The following SLC22A3 variants were observed in gnomAD, a reference collection of about 807,000 sequenced individuals.
The protein encoded by SLC22A3 is EMT organic cation transporter 3.
A neutral mutation model predicts 59.1 loss-of-function variants in SLC22A3; 51 were observed. That is an observed-to-expected ratio of 0.86 (90% CI 0.69 to 1.09). SLC22A3 has a LOEUF of 1.09. Among genes scored for constraint, SLC22A3 ranks in the 50% least tolerant of loss-of-function variants. The pLI is 0.00. For synonymous variants in SLC22A3, 325 were observed against 292.0 expected, an observed-to-expected ratio of 1.11 and a Z score of -1.15; for missense variants, 711 against 726.3, an observed-to-expected ratio of 0.98 and a Z score of 0.24.
Position 160,407,283 on chromosome 6 carries a change from T to C in SLC22A3, c.688+88T>C, listed in dbSNP as rs1787058280. The C allele has an allele frequency of 3.6e-6, 5 of 1,372,294 alleles. No homozygotes were observed. The South Asian group carries it at 5.9e-5, about 16-fold the overall frequency. The allele number at this position is 1,372,294 out of a possible 1,614,324, so 85.0% of individuals were successfully genotyped here. A position where few individuals can be genotyped will look rare whatever the true frequency, so the allele number is the denominator to read the frequency against. Reference sequence around the variant, plus strand: ...AGTTAATCAACCTTCCTCTTCCTCATGTGTCCTTTAACAAAGGAGGTTTCA... The same window carrying C: ...AGTTAATCAACCTTCCTCTTCCTCACGTGTCCTTTAACAAAGGAGGTTTCA... On this transcript the variant is annotated intron_variant, in intron 3 of 10. Transcript: ENST00000275300.
intron 5 of SLC22A3, among the ~76,000 whole-genome samples, chr6:160,428,701 T>G (rs796808463): frequency 1.1e-4 from 17 of 152,384 alleles, no homozygotes; most frequent in African/African-American, 3.8e-4. Flanking sequence ...ATATTCTTAC[T>G]GGACAGCATT....
chr6:160,419,783 G>C (rs1422259993), intron 5 of SLC22A3, among the ~76,000 whole-genome samples: 1 of 152,066 alleles, frequency 6.6e-6, no homozygotes, highest in African/African-American at 2.4e-5. Context: ...CACTCACTTT[G>C]ACTTAGAATA....
intron 1 of SLC22A3, among the ~76,000 whole-genome samples, chr6:160,357,202 A>G (rs575988238): frequency 5.3e-5 from 8 of 152,328 alleles, no homozygotes; most frequent in African/African-American, 1.9e-4. Context: ...CAGTCCTGGG[A>G]GAGCAGGTGA....
At chr6:160,368,593 C>T (rs983484370) in intron 1 of SLC22A3, among the ~76,000 whole-genome samples, 2 of 152,194 alleles carry the variant, frequency 1.3e-5, no homozygotes, top group African/African-American at 4.8e-5. Context: ...TTCATCATCT[C>T]TACATTCTCA....
chr6:160,396,230 A>G (rs550756474), intron 1 of SLC22A3, among the ~76,000 whole-genome samples: 13 of 152,334 alleles, frequency 8.5e-5, no homozygotes, highest in Admixed American at 2.0e-4. Flanking sequence ...TCAGGGCAAC[A>G]AACAATGGGA....
At chr6:160,369,414 A>G (rs1244605926) in intron 1 of SLC22A3, among the ~76,000 whole-genome samples, 1 of 152,248 alleles carries the variant, frequency 6.6e-6, no homozygotes, top group Non-Finnish European at 1.5e-5. Context: ...AACCATTACT[A>G]TAGCACTTCC....
chr6:160,357,988 A>C (rs1160826953), intron 1 of SLC22A3, among the ~76,000 whole-genome samples: 4 of 152,208 alleles, frequency 2.6e-5, no homozygotes, highest in African/African-American at 9.7e-5. Context: ...CTAATAGAGC[A>C]TACATAATGA....
chr6:160,349,654 C>T (rs1179074325), intron 1 of SLC22A3, among the ~76,000 whole-genome samples: 1 of 152,014 alleles, frequency 6.6e-6, no homozygotes, highest in Non-Finnish European at 1.5e-5. Context: ...TCACCCTTGC[C>T]CTCAGTAATC....
intron 1 of SLC22A3, among the ~76,000 whole-genome samples, chr6:160,353,063 T>C (rs1289317754): frequency 1.3e-5 from 2 of 152,138 alleles, no homozygotes; most frequent in Non-Finnish European, 2.9e-5. Flanking sequence ...TGCCTAGGCC[T>C]CCGAAAGTGC....
chr6:160,364,669 G>GAAAGGACTCTCTGA (rs1785143053), intron 1 of SLC22A3, among the ~76,000 whole-genome samples: 1 of 152,164 alleles, frequency 6.6e-6, no homozygotes, highest in Admixed American at 6.5e-5. Flanking sequence ...CCACGTGAAG[G>GAAAGGACTCTCTGA]AAAGGACTCT....
At chr6:160,448,265 T>C (rs753671893) in intron 10 of SLC22A3, among the ~76,000 whole-genome samples, 16 of 152,214 alleles carry the variant, frequency 1.1e-4, no homozygotes, top group Non-Finnish European at 1.9e-4. Context: ...CATGTTATAG[T>C]ATTTATAAAA....
In SLC22A3 at chr6:160,397,999, T is replaced by C; in HGVS notation, c.450T>C (p.Asn150=). The change falls in exon 2 of 11, where the codon AAT becomes AAC. Residue 150 remains asparagine (N), a synonymous_variant. Transcript: ENST00000275300. The part of the protein sequence containing the change: ...IVSEFDLVCV[N]AWMLDLTQAI... ...CTCAGTTTGACCTTGTCTGTGTCAA[T>C]GCGTGGATGCTGGACCTCACCCAAG... 3 of 1,613,646 alleles carry C rather than the reference T, an allele frequency of 1.9e-6. No homozygotes were observed. The highest frequency in any genetic ancestry group is 2.5e-6 in the Non-Finnish European group (3 of 1,179,626).
At chr6:160,386,379 T>C (rs1477135465) in intron 1 of SLC22A3, among the ~76,000 whole-genome samples, 1 of 152,258 alleles carries the variant, frequency 6.6e-6, no homozygotes, top group Non-Finnish European at 1.5e-5. Flanking sequence ...TTGTCCCCAA[T>C]TGCATTCTTC....
At chr6:160,381,156 C>CA (rs923414869) in intron 1 of SLC22A3, among the ~76,000 whole-genome samples, 5 of 151,574 alleles carry the variant, frequency 3.3e-5, no homozygotes, top group Admixed American at 6.6e-5. Context: ...ATTTCCAAGG[C>CA]AAAAAAACAA....
At chr6:160,447,927 A>G in intron 10 of SLC22A3, 109 bp downstream of exon 10, 2 of 887,882 alleles carry the variant, frequency 2.3e-6, no homozygotes, top group South Asian at 1.4e-5. Flanking sequence ...ATAAGAATAA[A>G]TCCTCATCTC....
chr6:160,376,527 T>A (rs1233898099), intron 1 of SLC22A3, among the ~76,000 whole-genome samples: 2 of 68,840 alleles, frequency 2.9e-5, no homozygotes, highest in African/African-American at 1.5e-4. Context: ...AAACTAAAAT[T>A]TTTTTTTAAG....
intron 1 of SLC22A3, among the ~76,000 whole-genome samples, chr6:160,374,054 A>G (rs1055224074): frequency 1.3e-5 from 2 of 152,202 alleles, no homozygotes; most frequent in African/African-American, 2.4e-5. Flanking sequence ...CCACTGGGGT[A>G]TGAAAAAAAC....
At chr6:160,352,519 A>C (rs1784695575) in intron 1 of SLC22A3, among the ~76,000 whole-genome samples, 1 of 152,212 alleles carries the variant, frequency 6.6e-6, no homozygotes, top group Non-Finnish European at 1.5e-5. Flanking sequence ...TGGATGAAAA[A>C]AAAAGAGCTT....
At chr6:160,381,245 T>C (rs1295785212) in intron 1 of SLC22A3, among the ~76,000 whole-genome samples, 1 of 152,240 alleles carries the variant, frequency 6.6e-6, no homozygotes, top group African/African-American at 2.4e-5. Context: ...TAGTATCTTA[T>C]AAAGACAGTG....
Sources: gnomAD v4.1 joint callset for allele counts (sites outside exome capture counted in the v4.1 genomes callset) on GRCh38, gnomAD v4.1.1 for gene constraint, MANE v1.5 for transcripts, NCBI Gene and HGNC (gene_info 2026-07-23, HGNC 2026-07-21) for gene names.